Variants in CNTNAP5 observed in about 807,000 individuals in gnomAD.
The protein encoded by CNTNAP5 is contactin-associated protein-like 5.
CNTNAP5 carries 72 observed loss-of-function variants against 150.2 expected under a neutral mutation model. That is an observed-to-expected ratio of 0.48 (90% CI 0.40 to 0.58). CNTNAP5 has a LOEUF of 0.58. Ranked by LOEUF, CNTNAP5 falls within the 20% of genes least tolerant of loss-of-function variation. CNTNAP5 has a pLI of 0.00. For missense variants in CNTNAP5, 1,636 were observed against 1,626.2 expected, an observed-to-expected ratio of 1.01 and a Z score of -0.10; for synonymous variants, 672 against 619.8, an observed-to-expected ratio of 1.08 and a Z score of -1.25.
chr2:124,706,880 A>AAGAAGAGGAAGAAGAAGAAGGAGAAGG (rs1558743191), intron 13 of CNTNAP5, among the ~76,000 whole-genome samples: 1 of 46,040 alleles, frequency 2.2e-5, no homozygotes, highest in Non-Finnish European at 3.9e-5. Flanking sequence ...GAAAGGGAAG[A>AAGAAGAGGAAGAAGAAGAAGGAGAAGG]AGAAGAGGAA....
intron 11 of CNTNAP5, among the ~76,000 whole-genome samples, chr2:124,574,650 C>T (rs1240539831): frequency 6.6e-6 from 1 of 152,176 alleles, no homozygotes; most frequent in African/African-American, 2.4e-5. Context: ...TGAGTCAACT[C>T]AAACAGTAAT....
At chr2:124,293,559 T>C (rs1688353478) in intron 3 of CNTNAP5, among the ~76,000 whole-genome samples, 1 of 152,214 alleles carries the variant, frequency 6.6e-6, no homozygotes, top group Non-Finnish European at 1.5e-5. Flanking sequence ...GCAAATTATA[T>C]GAATAGAACT....
chr2:124,847,957 T>C (rs1282965677), intron 19 of CNTNAP5, among the ~76,000 whole-genome samples: 1 of 152,144 alleles, frequency 6.6e-6, no homozygotes, highest in African/African-American at 2.4e-5. Flanking sequence ...AATATTTATT[T>C]TTAAAAAAAC....
intron 3 of CNTNAP5, among the ~76,000 whole-genome samples, chr2:124,303,289 A>G (rs979931932): frequency 6.6e-6 from 1 of 152,200 alleles, no homozygotes; most frequent in Non-Finnish European, 1.5e-5. Flanking sequence ...ACATAGCCAG[A>G]GTGTTATGGA....
At chr2:124,182,397 A>T (rs933979467) in intron 1 of CNTNAP5, among the ~76,000 whole-genome samples, 13 of 152,272 alleles carry the variant, frequency 8.5e-5, no homozygotes, top group African/African-American at 3.1e-4. Flanking sequence ...CTAACAAGGG[A>T]TTGATTGTCC....
intron 8 of CNTNAP5, among the ~76,000 whole-genome samples, chr2:124,509,677 C>T (rs933858572): frequency 6.6e-6 from 1 of 152,192 alleles, no homozygotes. Context: ...CAGTATCCTG[C>T]TGCTCTCCAT....
At chr2:124,500,763 AC>A (rs1286972461) in intron 7 of CNTNAP5, among the ~76,000 whole-genome samples, 1 of 152,112 alleles carries the variant, frequency 6.6e-6, no homozygotes, top group Non-Finnish European at 1.5e-5. Flanking sequence ...GCACTTCTGA[AC>A]ATCTTGGCTG....
intron 4 of CNTNAP5, among the ~76,000 whole-genome samples, chr2:124,430,634 G>A (rs188817273): frequency 1.3e-4 from 20 of 152,290 alleles, no homozygotes; most frequent in South Asian, 1.2e-3. Context: ...GCAATGCTGA[G>A]GTATGATGTT....
chr2:124,330,715 CA>C (rs1290780583), intron 3 of CNTNAP5, among the ~76,000 whole-genome samples: 1 of 151,982 alleles, frequency 6.6e-6, no homozygotes, highest in African/African-American at 2.4e-5. Flanking sequence ...GATATTTCAT[CA>C]TAGTAGCATG....
At chr2:124,103,763 C>T (rs540297485) in intron 1 of CNTNAP5, among the ~76,000 whole-genome samples, 60 of 150,304 alleles carry the variant, frequency 4.0e-4, no homozygotes, top group African/African-American at 1.3e-3. Context: ...AACAGATCTC[C>T]GTTGTTAAGT....
chr2:124,197,396 T>C (rs4848920), intron 1 of CNTNAP5, among the ~76,000 whole-genome samples: 117,295 of 152,176 alleles, frequency 0.77, 45,533 homozygotes, highest in East Asian at 1. Flanking sequence ...TCTTGAGTTC[T>C]GTTGATACTA....
chr2:124,246,516 A>T (rs976769589), intron 3 of CNTNAP5, among the ~76,000 whole-genome samples: 3 of 152,150 alleles, frequency 2.0e-5, no homozygotes, highest in Non-Finnish European at 4.4e-5. Context: ...ATCATTACAA[A>T]TATTAAAATT....
intron 19 of CNTNAP5, among the ~76,000 whole-genome samples, chr2:124,840,142 A>T (rs1682916562): frequency 6.6e-6 from 1 of 152,112 alleles, no homozygotes; most frequent in Non-Finnish European, 1.5e-5. Flanking sequence ...TCAGGAGGAG[A>T]TTCCTGGAGA....
intron 21 of CNTNAP5, among the ~76,000 whole-genome samples, chr2:124,886,158 C>T (rs922407599): frequency 1.3e-5 from 2 of 151,986 alleles, no homozygotes; most frequent in African/African-American, 2.4e-5. Flanking sequence ...TTTAATTATC[C>T]TACATTTGTG....
In CNTNAP5 at chr2:124,351,387, A is replaced by G. The variant is rs1023348215; in HGVS notation, c.382-66056A>G. 1.3e-5 allele frequency among the ~76,000 whole-genome samples: 2 copies of G among 152,010 alleles called. 1 individual carries two copies. The highest frequency in any genetic ancestry group is 2.9e-5 in the Non-Finnish European group (2 of 68,006). On this transcript the variant is annotated intron_variant, in intron 3 of 23. Transcript: ENST00000682447. ...ATCCTGGCTCCACTGGCTGTCTATC[A>G]TTTGTTCAGTTCACCTTCTCTGGCA...
intron 10 of CNTNAP5, among the ~76,000 whole-genome samples, chr2:124,562,774 C>T (rs746005544): frequency 2.0e-5 from 3 of 152,106 alleles, no homozygotes; most frequent in Non-Finnish European, 4.4e-5. Flanking sequence ...AAATAGATAC[C>T]TGGTCATTCC....
chr2:124,058,461 C>A (rs4848911), intron 1 of CNTNAP5, among the ~76,000 whole-genome samples: 1 of 151,930 alleles, frequency 6.6e-6, no homozygotes, highest in African/African-American at 2.4e-5. Flanking sequence ...ATCATCTCTC[C>A]CTTAGTAAGA....
intron 13 of CNTNAP5, among the ~76,000 whole-genome samples, chr2:124,727,915 AG>A (rs1680192645): frequency 6.6e-6 from 1 of 151,978 alleles, no homozygotes; most frequent in Non-Finnish European, 1.5e-5. Flanking sequence ...TCAACTTTAA[AG>A]ATTGAGTATG....
chr2:124,859,472 T>C (rs1391402562), intron 19 of CNTNAP5, among the ~76,000 whole-genome samples: 9 of 152,194 alleles, frequency 5.9e-5, no homozygotes, highest in Non-Finnish European at 7.3e-5. Context: ...GACTATAAAC[T>C]AGTTCAACCA....
Sources: gnomAD v4.1 joint callset for allele counts (sites outside exome capture counted in the v4.1 genomes callset) on GRCh38, gnomAD v4.1.1 for gene constraint, MANE v1.5 for transcripts, NCBI Gene and HGNC (gene_info 2026-07-23, HGNC 2026-07-21) for gene names.